The following FAM111B variants were observed in gnomAD, a reference collection of about 807,000 sequenced individuals.
The protein encoded by FAM111B is serine protease FAM111B.
A neutral mutation model predicts 2.8 loss-of-function variants in FAM111B; 1 was observed. That is an observed-to-expected ratio of 0.36 (90% CI 0.13 to 1.70). The LOEUF is 1.70. Ranked by LOEUF, FAM111B falls within the 40% of genes most tolerant of loss-of-function variation. The pLI is 0.35. For synonymous variants in FAM111B, 297 were observed against 295.6 expected (o/e 1.00, Z -0.05); for missense variants, 882 against 878.9 (o/e 1.00, Z -0.04).
rs905050828 is a variant in FAM111B at position 59,126,374 on chromosome 11, G to A, written c.*72G>A. On this transcript the variant is annotated 3_prime_UTR_variant, in exon 4 of 4. Coordinates refer to ENST00000343597, the MANE Select transcript of FAM111B (RefSeq NM_198947.4). The stretch of plus-strand genomic sequence containing the variant: ...AGATTTCATGACAAAGACACTTAAA[G>A]CAATTGCAACAAAAGTGAAAATTGG... 2.4e-5 allele frequency: 31 copies of A among 1,291,396 alleles called. No homozygotes were observed. Among genetic ancestry groups the A allele is most frequent in the Non-Finnish European group, 6.3e-6 (6 of 955,690 alleles). 80.0% of individuals were successfully genotyped at this position (1,291,396 alleles called of 1,614,324 possible).
rs1859994153 is a variant in FAM111B, at chr11:59,124,964, C to A, written c.867C>A (p.Ala289=). The change falls in exon 4 of 4, where the codon GCC becomes GCA. Residue 289 remains alanine (A), a synonymous_variant. Coordinates refer to ENST00000343597, the MANE Select transcript of FAM111B (RefSeq NM_198947.4). ...AAAAAATTAAACAGAATGAAAGTGC[C>A]ACTGATGAAATTAATCACCAGAGTC... is the stretch of plus-strand genomic sequence containing the variant. ...IHKKIKQNES[A]TDEINHQSLI... 6.2e-7 allele frequency: 1 copy of A among 1,610,318 alleles called. No individual in the cohort carries two copies. The highest frequency in any genetic ancestry group is 2.2e-5 in the East Asian group (1 of 44,860).
chr11:59,124,439 T>G lies in FAM111B; in HGVS notation c.342T>G (p.Asn114Lys), dbSNP rs757236776. The change falls in exon 4 of 4, where the codon AAT becomes AAG. Residue 114 changes from asparagine to lysine, a missense_variant. Coordinates refer to ENST00000343597, the MANE Select transcript of FAM111B (RefSeq NM_198947.4). ...SESIYSALSA[N>K]DYFSERIKNQ... ...GTATCTACTCAGCCCTGAGTGCTAA[T>G]GACTATTTCAGTGAAAGGATAAAGA... The G allele has an allele frequency of 6.2e-6, 10 of 1,613,706 alleles. No homozygotes were observed. The highest frequency in any genetic ancestry group is 8.5e-6 in the Non-Finnish European group (10 of 1,179,856).
In FAM111B at chr11:59,125,269, A is replaced by C; in HGVS notation, c.1172A>C (p.Tyr391Ser). 1 of 1,613,970 alleles carries C rather than the reference A, an allele frequency of 6.2e-7. No individual in the cohort carries two copies. Among genetic ancestry groups the C allele is most frequent in the Non-Finnish European group, 8.5e-7 (1 of 1,179,850 alleles). The stretch of plus-strand genomic sequence containing the variant: ...GAGGCAATTAATCTCTTAAAGAATT[A>C]TCAAACGTTGAATGAAGCCATAATG... ...QKEAINLLKN[Y>S]QTLNEAIMHQ... is the part of the protein sequence containing the mutation. Residue 391 changes from tyrosine to serine, a missense_variant, in exon 4 of 4, where the codon TAT (tyrosine) becomes TCT (serine). Physicochemically the swap from Tyr to Ser is moderately radical, Grantham distance 144 (BLOSUM62 -2). Transcript: ENST00000343597.
chr11:59,124,627 A>G lies in FAM111B; in HGVS notation c.530A>G (p.Glu177Gly). The change falls in exon 4 of 4, where the codon GAA becomes GGA. Residue 177 changes from glutamate to glycine, a missense_variant. Physicochemically the swap from Glu to Gly is moderately conservative, Grantham distance 98. Coordinates refer to ENST00000343597, the MANE Select transcript of FAM111B (RefSeq NM_198947.4). ...KEDGHILRQC[E>G]NPNMECILFH... ...GATGGACACATATTACGCCAATGTG[A>G]AAATCCAAACATGGAATGCATTCTT... 6.2e-7 allele frequency: 1 copy of G among 1,613,944 alleles called. No homozygotes were observed. Among genetic ancestry groups the G allele is most frequent in the Non-Finnish European group, 8.5e-7 (1 of 1,179,848 alleles).
At chr11:59,121,160 A>T (rs991963300) in intron 3 of FAM111B, among the ~76,000 whole-genome samples, 10 of 152,058 alleles carry the variant, frequency 6.6e-5, no homozygotes, top group African/African-American at 1.7e-4. Flanking sequence ...TAACTCCTTT[A>T]TGACACCTGA....
At chr11:59,117,154 C>A (rs796508508) in intron 3 of FAM111B, among the ~76,000 whole-genome samples, 2 of 152,232 alleles carry the variant, frequency 1.3e-5, no homozygotes, top group South Asian at 4.2e-4. Context: ...TTTCATTTAC[C>A]CTATTTAGTT....
chr11:59,111,128 G>C (rs1859751961), intron 3 of FAM111B, among the ~76,000 whole-genome samples: 1 of 152,092 alleles, frequency 6.6e-6, no homozygotes, highest in South Asian at 2.1e-4. Context: ...GACAAATAGA[G>C]CTGCAGTAAT....
chr11:59,121,737 C>T (rs11229828), intron 3 of FAM111B, among the ~76,000 whole-genome samples: 30 of 152,310 alleles, frequency 2.0e-4, no homozygotes, highest in Non-Finnish European at 4.0e-4. Flanking sequence ...TTAGCCACTG[C>T]TTTTATTAGA....
chr11:59,113,455 TCAGAAGTA>T (rs944865774), intron 3 of FAM111B, among the ~76,000 whole-genome samples: 18 of 152,250 alleles, frequency 1.2e-4, no homozygotes, highest in Admixed American at 3.9e-4. Context: ...ACTAGAAAGA[TCAGAAGTA>T]CAAGGCACAA....
Position 59,125,039 on chromosome 11 carries a change from C to G in FAM111B, c.942C>G (p.Thr314=). Residue 314 remains threonine, a synonymous_variant, in exon 4 of 4, where the codon ACC becomes ACG. Transcript: ENST00000343597. The part of the protein sequence containing the change: ...KVHKPKKDGE[T]KDVEHSREQI... ...ACAAACCAAAGAAAGATGGAGAGAC[C>G]AAAGATGTAGAACACAGCAGAGAGC... 1.2e-6 allele frequency: 2 copies of G among 1,612,778 alleles called. No individual in the cohort carries two copies. The highest frequency in any genetic ancestry group is 8.5e-7 in the Non-Finnish European group (1 of 1,179,682).
chr11:59,124,486 T>C lies in FAM111B; in HGVS notation c.389T>C (p.Ile130Thr). 3 of 1,613,510 alleles carry C rather than the reference T, an allele frequency of 1.9e-6. No homozygotes were observed. Among genetic ancestry groups the C allele is most frequent in the Admixed American group, 1.7e-5 (1 of 59,974 alleles). ...AAGAATCAGTTTAATAAGAACATTA[T>C]TGTTTATGAAGAAAAGACAATAGAT... ...RIKNQFNKNI[I>T]VYEEKTIDGH... is the part of the protein sequence containing the mutation. Residue 130 changes from isoleucine (I) to threonine (T), a missense_variant, in exon 4 of 4, where the codon ATT (isoleucine) becomes ACT (threonine). Coordinates refer to ENST00000343597, the MANE Select transcript of FAM111B (RefSeq NM_198947.4).
intron 3 of FAM111B, among the ~76,000 whole-genome samples, chr11:59,115,910 G>T (rs761496184): frequency 1.3e-5 from 2 of 152,200 alleles, no homozygotes; most frequent in African/African-American, 2.4e-5. Context: ...ACCAGTGGAG[G>T]TGCAAGTTCT....
At chr11:59,108,935 C>G (rs186099188) in intron 2 of FAM111B, among the ~76,000 whole-genome samples, 4 of 152,216 alleles carry the variant, frequency 2.6e-5, no homozygotes, top group African/African-American at 9.6e-5. Context: ...CTAGTATGTT[C>G]ATATTTTACA....
At chr11:59,112,273 G>A (rs1859771821) in intron 3 of FAM111B, among the ~76,000 whole-genome samples, 1 of 152,144 alleles carries the variant, frequency 6.6e-6, no homozygotes, top group South Asian at 2.1e-4. Context: ...CATACCCTTT[G>A]AGTCTGGCTT....
At chr11:59,123,496 C>T (rs1192529467) in intron 3 of FAM111B, among the ~76,000 whole-genome samples, 1 of 152,104 alleles carries the variant, frequency 6.6e-6, no homozygotes, top group East Asian at 1.9e-4. Flanking sequence ...GCGGTATTTC[C>T]ACTCCTGGGA....
intron 3 of FAM111B, 53 bp downstream of exon 3, chr11:59,109,759 C>A: frequency 8.9e-7 from 1 of 1,128,158 alleles, no homozygotes; most frequent in Non-Finnish European, 1.3e-6. Context: ...AACTATAGTG[C>A]CATATGAGGA....
At position 59,124,700 on chromosome 11, in the gene FAM111B, C is replaced by A. The variant is rs76759156; in HGVS notation, c.603C>A (p.Ile201=). The A allele has an allele frequency of 5.7e-4, 916 of 1,613,582 alleles. 10 individuals carry two copies. In the East Asian group the frequency reaches 0.019, roughly 34 times the overall value. The change falls in exon 4 of 4, where the codon ATC becomes ATA. Residue 201 remains isoleucine (I), a synonymous_variant. Coordinates refer to ENST00000343597, the MANE Select transcript of FAM111B (RefSeq NM_198947.4). ...GGACAAGAAAGAAGATTGTTAAGATCAACGAACTTCATGAAAAAGGAAGTA... is the reference window on the plus strand; with the variant it reads ...GGACAAGAAAGAAGATTGTTAAGATAAACGAACTTCATGAAAAAGGAAGTA... ...IGRTRKKIVK[I]NELHEKGSKL...
At chr11:59,111,385 A>G (rs1288907221) in intron 3 of FAM111B, among the ~76,000 whole-genome samples, 1 of 152,102 alleles carries the variant, frequency 6.6e-6, no homozygotes, top group Non-Finnish European at 1.5e-5. Context: ...TTTTCTTTGA[A>G]TTCCATGTGT....
chr11:59,125,960 C>G lies in FAM111B; in HGVS notation c.1863C>G (p.Tyr621Ter). Residue 621 changes from tyrosine (Y) to a stop codon, truncating the protein, a stop_gained, in exon 4 of 4, where the codon TAC becomes TAG. Coordinates refer to ENST00000343597, the MANE Select transcript of FAM111B (RefSeq NM_198947.4). LOFTEE classifies it low-confidence loss of function (END_TRUNC). The stretch of plus-strand genomic sequence containing the variant: ...TCTATGATACCACCAGTAATGTATA[C>G]TGTATGTTTACCCAAAGAAGTTTCC... ...VDLYDTTSNV[Y>*]CMFTQRSFLS... 6.2e-7 allele frequency: 1 copy of G among 1,613,786 alleles called. No homozygotes were observed. The highest frequency in any genetic ancestry group is 8.5e-7 in the Non-Finnish European group (1 of 1,179,796).
Sources: gnomAD v4.1 joint callset for allele counts (sites outside exome capture counted in the v4.1 genomes callset) on GRCh38, gnomAD v4.1.1 for gene constraint, MANE v1.5 for transcripts, NCBI Gene and HGNC (gene_info 2026-07-23, HGNC 2026-07-21) for gene names.